Variants in CHL1 observed in about 807,000 individuals in gnomAD.
The protein encoded by CHL1 is neural cell adhesion molecule L1-like protein.
In CHL1, 96 loss-of-function variants were observed where a neutral mutation model predicts 141.9. The observed-to-expected ratio is 0.68, with a 90% CI of 0.57 to 0.80. The LOEUF (loss-of-function observed/expected upper bound fraction) is 0.80. Ranked by LOEUF, CHL1 falls within the 30% of genes least tolerant of loss-of-function variation. The pLI is 0.00. For synonymous variants in CHL1, 613 were observed against 502.2 expected, an observed-to-expected ratio of 1.22 and a Z score of -2.95; for missense variants, 1,820 against 1,457.2, an observed-to-expected ratio of 1.25 and a Z score of -4.05.
intron 5 of CHL1, among the ~76,000 whole-genome samples, chr3:330,432 A>G (rs948661616): frequency 1.3e-5 from 2 of 152,140 alleles, no homozygotes; most frequent in South Asian, 4.1e-4. Flanking sequence ...TAATTTTAGG[A>G]TAAAAATGAA....
At chr3:203,986 G>A (rs115512628) in intron 1 of CHL1, among the ~76,000 whole-genome samples, 6,915 of 152,210 alleles carry the variant, frequency 0.045, 203 homozygotes, top group Middle Eastern at 0.11. Context: ...TACAAAATAG[G>A]GAATCATTAA....
intron 5 of CHL1, among the ~76,000 whole-genome samples, chr3:333,553 A>G (rs573926084): frequency 4.6e-5 from 7 of 152,286 alleles, no homozygotes; most frequent in African/African-American, 1.7e-4. Context: ...TACCATTTTT[A>G]TATACACGAA....
At chr3:213,886 C>T (rs1041124355) in intron 1 of CHL1, among the ~76,000 whole-genome samples, 1 of 152,064 alleles carries the variant, frequency 6.6e-6, no homozygotes. Context: ...TTTGAAAAAA[C>T]TTTCTGATGT....
intron 27 of CHL1, among the ~76,000 whole-genome samples, chr3:403,903 A>G (rs1301205746): frequency 6.6e-6 from 1 of 151,954 alleles, no homozygotes; most frequent in East Asian, 1.9e-4. Flanking sequence ...ATTTTTCTTT[A>G]TTCTTTGTTC....
intron 15 of CHL1, among the ~76,000 whole-genome samples, chr3:366,840 G>A (rs766719940): frequency 6.6e-6 from 1 of 152,208 alleles, no homozygotes; most frequent in Non-Finnish European, 1.5e-5. Flanking sequence ...CTACTCGTGA[G>A]TCCTGCCACT....
Position 340,876 on chromosome 3 carries a change from C to A in CHL1, c.468C>A (p.Pro156=), listed in dbSNP as rs144845264. The part of the protein sequence containing the change: ...GDPIVLPCNP[P]KGLPPLHIYW... ...CAATTGTCCTCCCATGCAATCCTCCCAAAGGCCTCCCACCTTTACACATTT... is the reference window on the plus strand; with the variant it reads ...CAATTGTCCTCCCATGCAATCCTCCAAAAGGCCTCCCACCTTTACACATTT... The change falls in exon 6 of 28, where the codon CCC becomes CCA. Residue 156 remains proline, a synonymous_variant. Transcript: ENST00000256509. The A allele has an allele frequency of 6.8e-6, 11 of 1,612,614 alleles. No homozygotes were observed. Among genetic ancestry groups the A allele is most frequent in the Non-Finnish European group, 9.3e-6 (11 of 1,178,974 alleles).
rs377272184 is a variant in CHL1 at position 365,973 on chromosome 3, C to G, written c.1609C>G (p.Pro537Ala). The G allele has an allele frequency of 7.4e-6, 12 of 1,613,092 alleles. No homozygotes were observed. In the African/African-American group the frequency reaches 9.4e-5, roughly 13 times the overall value. ...AGATGCTACAAAACTTAGAGTTTCT[C>G]CTAAGAATCCTCGTATCCCCAAATT... ...IRNATKLRVSPKNPRIPKLHM... is the reference protein window; with the variant it reads ...IRNATKLRVSAKNPRIPKLHM... The change falls in exon 15 of 28, where the codon CCT becomes GCT. Residue 537 changes from proline (P) to alanine (A), a missense_variant. Pro to Ala is a conservative substitution (Grantham distance 27). Transcript: ENST00000256509.
chr3:359,873 A>AG, intron 11 of CHL1, among the ~76,000 whole-genome samples: 1 of 152,198 alleles, frequency 6.6e-6, no homozygotes, highest in Non-Finnish European at 1.5e-5. Context: ...AATAGCAGCC[A>AG]GTACTGGTAG....
At chr3:307,777 C>G (rs1054390903) in intron 2 of CHL1, among the ~76,000 whole-genome samples, 5 of 151,962 alleles carry the variant, frequency 3.3e-5, no homozygotes, top group African/African-American at 1.2e-4. Context: ...GTAACCAGTG[C>G]TGCTACATTT....
At chr3:238,506 A>G (rs1176950680) in intron 1 of CHL1, among the ~76,000 whole-genome samples, 1 of 152,212 alleles carries the variant, frequency 6.6e-6, no homozygotes, top group Non-Finnish European at 1.5e-5. Context: ...ATGTGTATTA[A>G]GCAACCAATA....
At chr3:283,635 C>A (rs1302207643) in intron 2 of CHL1, among the ~76,000 whole-genome samples, 1 of 152,198 alleles carries the variant, frequency 6.6e-6, no homozygotes, top group Non-Finnish European at 1.5e-5. Flanking sequence ...GGAATACAGA[C>A]TCTAGTGTAA....
intron 2 of CHL1, among the ~76,000 whole-genome samples, chr3:279,326 G>A (rs1007037998): frequency 2.0e-5 from 3 of 151,830 alleles, no homozygotes; most frequent in African/African-American, 7.3e-5. Context: ...TTTTTGCAGA[G>A]CCTTAAGCTT....
At chr3:206,306 A>T (rs986132134) in intron 1 of CHL1, among the ~76,000 whole-genome samples, 1 of 152,098 alleles carries the variant, frequency 6.6e-6, no homozygotes, top group Non-Finnish European at 1.5e-5. Flanking sequence ...CGTCTCTACT[A>T]AAAATACAAA....
intron 12 of CHL1, 90 bp from the exon 13 acceptor site, chr3:361,609 G>T (rs1559309325): frequency 2.5e-6 from 2 of 798,872 alleles, no homozygotes; most frequent in East Asian, 2.4e-5. Context: ...TTTTCTGTTT[G>T]TATTCGTATG....
intron 2 of CHL1, among the ~76,000 whole-genome samples, chr3:304,052 G>A (rs1699002288): frequency 6.6e-6 from 1 of 152,148 alleles, no homozygotes; most frequent in African/African-American, 2.4e-5. Context: ...TGTTGAACCA[G>A]CCTTGCATCC....
chr3:274,175 C>A (rs1199978510), intron 2 of CHL1, among the ~76,000 whole-genome samples: 3 of 152,172 alleles, frequency 2.0e-5, no homozygotes, highest in African/African-American at 7.2e-5. Context: ...GACTAACTAA[C>A]CTATACATCC....
intron 2 of CHL1, among the ~76,000 whole-genome samples, chr3:300,145 A>G (rs1698594740): frequency 6.6e-6 from 1 of 152,242 alleles, no homozygotes; most frequent in South Asian, 2.1e-4. Context: ...AGTGGCAAAC[A>G]TAGATCAATT....
At chr3:235,084 A>G (rs1160148802) in intron 1 of CHL1, among the ~76,000 whole-genome samples, 1 of 151,940 alleles carries the variant, frequency 6.6e-6, no homozygotes, top group Non-Finnish European at 1.5e-5. Context: ...TACATGTGCC[A>G]TGCTGGTGCG....
At chr3:375,711 C>T (rs561368814) in intron 15 of CHL1, among the ~76,000 whole-genome samples, 10 of 152,156 alleles carry the variant, frequency 6.6e-5, no homozygotes, top group African/African-American at 2.2e-4. Flanking sequence ...GCACTAATCA[C>T]TTTATGTGCT....
Sources: gnomAD v4.1 joint callset for allele counts (sites outside exome capture counted in the v4.1 genomes callset) on GRCh38, gnomAD v4.1.1 for gene constraint, MANE v1.5 for transcripts, NCBI Gene and HGNC (gene_info 2026-07-23, HGNC 2026-07-21) for gene names.